Variants in MDH1 observed in about 807,000 individuals in gnomAD.
The protein encoded by MDH1 is malate dehydrogenase, cytoplasmic.
Under a neutral mutation model 38.7 loss-of-function variants are expected in MDH1, and 15 were observed. That is an observed-to-expected ratio of 0.39 (90% CI 0.26 to 0.60). MDH1 has a LOEUF of 0.60. MDH1 is among the 20% of genes least tolerant of loss of function. The pLI is 0.56. For synonymous variants in MDH1, 144 were observed against 143.6 expected, an observed-to-expected ratio of 1.00 and a Z score of -0.02; for missense variants, 368 against 405.2, an observed-to-expected ratio of 0.91 and a Z score of 0.79.
chr2:63,600,804 A>T (rs1709404623), intron 5 of MDH1, among the ~76,000 whole-genome samples: 1 of 152,202 alleles, frequency 6.6e-6, no homozygotes, highest in South Asian at 2.1e-4. Context: ...AATGGCAGGC[A>T]GTTTGAGTTC....
chr2:63,594,461 G>A, intron 1 of MDH1, 27 bp from the exon 2 acceptor site: 2 of 1,485,866 alleles, frequency 1.3e-6, no homozygotes, highest in Non-Finnish European at 1.9e-6. Flanking sequence ...AGTACTTAAA[G>A]ATGTTAATGG....
intron 5 of MDH1, among the ~76,000 whole-genome samples, chr2:63,600,659 C>G (rs980586777): frequency 1.3e-5 from 2 of 152,086 alleles, no homozygotes; most frequent in African/African-American, 4.8e-5. Context: ...AAGCATACAG[C>G]CTAAACATTC....
intron 8 of MDH1, 118 bp downstream of exon 8, chr2:63,606,146 G>A: frequency 1.1e-6 from 1 of 937,048 alleles, no homozygotes. Flanking sequence ...CTTTGGAAGG[G>A]CAAGGTGGCA....
At position 63,605,479 on chromosome 2, in the gene MDH1, T is replaced by G. The variant is rs917153915; in HGVS notation, c.789+86T>G. On this transcript the variant is annotated intron_variant, in intron 7 of 8. Coordinates refer to ENST00000233114, the MANE Select transcript of MDH1 (RefSeq NM_005917.4). ...TATAAAAAGAATATAGCCTTAGCAG[T>G]CAGTCAGGTTAGGTTCATTTCTCAG... 1.1e-5 allele frequency: 11 copies of G among 973,488 alleles called. No homozygotes were observed. The South Asian group carries it at 1.5e-4, about 13-fold the overall frequency. The allele number at this position is 973,488 out of a possible 1,614,324, so 60.3% of individuals were successfully genotyped here.
chr2:63,594,622 A>G (rs1709268500), intron 2 of MDH1, 36 bp downstream of exon 2: 1 of 1,403,482 alleles, frequency 7.1e-7, no homozygotes, highest in Non-Finnish European at 1.0e-6. Context: ...AAGTTATTAG[A>G]GTAAGAATAT....
chr2:63,603,825 C>T (rs1431019265), intron 5 of MDH1, among the ~76,000 whole-genome samples: 1 of 151,966 alleles, frequency 6.6e-6, no homozygotes, highest in Non-Finnish European at 1.5e-5. Flanking sequence ...GCCCGGCTAA[C>T]TTTGTATTTT....
At chr2:63,603,172 A>G (rs1025349797) in intron 5 of MDH1, among the ~76,000 whole-genome samples, 3 of 151,830 alleles carry the variant, frequency 2.0e-5, no homozygotes, top group Admixed American at 1.3e-4. Flanking sequence ...GTTGGCCATG[A>G]TGGTCTCCAT....
chr2:63,598,029 T>A (rs947644666), intron 4 of MDH1: 2 of 152,338 alleles, frequency 1.3e-5, no homozygotes, highest in African/African-American at 4.8e-5. Context: ...TCTTGAAGAA[T>A]TGAGTCAGTA....
chr2:63,606,103 C>T (rs1709523827), intron 8 of MDH1, 75 bp downstream of exon 8: 2 of 1,334,292 alleles, frequency 1.5e-6, no homozygotes, highest in Non-Finnish European at 2.2e-6. Context: ...TATTATTGGC[C>T]AGGCACAGTG....
chr2:63,594,330 A>AT (rs1709260765), intron 1 of MDH1, 158 bp from the exon 2 acceptor site: 1 of 740,844 alleles, frequency 1.3e-6, no homozygotes, highest in Admixed American at 1.7e-5. Context: ...CCACGTAAAT[A>AT]TGCAGCACAT....
At chr2:63,600,000 C>A (rs1394191755) in intron 5 of MDH1, 1 of 152,300 alleles carries the variant, frequency 6.6e-6, no homozygotes, top group Non-Finnish European at 1.5e-5. Context: ...GAACCTCTTT[C>A]CTTTGCCCTA....
rs1036377357 is a variant in MDH1 at position 63,604,686 on chromosome 2, A to G, written c.499-10A>G. 3 of 1,608,488 alleles carry G rather than the reference A, an allele frequency of 1.9e-6. No homozygotes were observed. The highest frequency in any genetic ancestry group is 2.5e-6 in the Non-Finnish European group (3 of 1,176,626). ...TGTCTCAGTAATGTATTTGTTTTCA[A>G]TTTAACTAGATTGCTCTTAAACTTG... On this transcript the variant is annotated splice_polypyrimidine_tract_variant and intron_variant, in intron 5 of 8. Coordinates refer to ENST00000233114, the MANE Select transcript of MDH1 (RefSeq NM_005917.4).
At chr2:63,604,921 G>A in intron 6 of MDH1, 49 bp downstream of exon 6, 1 of 1,587,834 alleles carries the variant, frequency 6.3e-7, no homozygotes, top group Non-Finnish European at 8.6e-7. Context: ...AAGAACTCTT[G>A]AGAGACTCTT....
intron 8 of MDH1, among the ~76,000 whole-genome samples, chr2:63,606,371 C>T (rs1357523964): frequency 1.3e-5 from 2 of 151,982 alleles, no homozygotes; most frequent in Non-Finnish European, 2.9e-5. Context: ...GGGACCCTGT[C>T]CCCCAAAAAA....
In MDH1 at chr2:63,590,399, A is replaced by G. The variant is rs539840322; in HGVS notation, c.3+1353A>G. 1.1e-4 allele frequency: 16 copies of G among 152,190 alleles called. 1 individual carries two copies. The highest frequency in any genetic ancestry group is 3.6e-4 in the African/African-American group (15 of 41,526). 9.4% of individuals were successfully genotyped at this position (152,190 alleles called of 1,614,324 possible). A position where few individuals can be genotyped will look rare whatever the true frequency, so the allele number is the denominator to read the frequency against. The stretch of plus-strand genomic sequence containing the variant: ...CAAGTCTTTCTGAATTTTTATTTTT[A>G]TAGGGACCACCGCAGTGAGGTCTCG... On this transcript the variant is annotated intron_variant, in intron 1 of 8. Coordinates refer to ENST00000233114, the MANE Select transcript of MDH1 (RefSeq NM_005917.4).
chr2:63,589,576 A>G (rs1219011570), intron 1 of MDH1, among the ~76,000 whole-genome samples: 1 of 152,192 alleles, frequency 6.6e-6, no homozygotes, highest in African/African-American at 2.4e-5. Flanking sequence ...TCAAAATGTT[A>G]TTTGGAACCC....
intron 1 of MDH1, chr2:63,590,056 G>C (rs1233042690): frequency 6.6e-6 from 1 of 152,524 alleles, no homozygotes; most frequent in Non-Finnish European, 1.5e-5. Context: ...CTGTCTAACG[G>C]GGCCAGTGGA....
At chr2:63,589,791 G>A (rs1709129398) in intron 1 of MDH1, among the ~76,000 whole-genome samples, 1 of 152,128 alleles carries the variant, frequency 6.6e-6, no homozygotes, top group African/African-American at 2.4e-5. Flanking sequence ...AGAGGGGGAG[G>A]GGGAGAGTTG....
chr2:63,589,526 C>G, intron 1 of MDH1: 1 of 811,744 alleles, frequency 1.2e-6, no homozygotes, highest in Non-Finnish European at 2.0e-6. Flanking sequence ...AGATTACGAT[C>G]TGCGTTTGCA....
Sources: allele counts gnomAD v4.1 joint callset (sites outside exome capture counted in the v4.1 genomes callset), GRCh38; gene constraint gnomAD v4.1.1; transcripts MANE v1.5; gene names NCBI Gene and HGNC (gene_info 2026-07-23, HGNC 2026-07-21).